TMEM74: variants seen among roughly 807,000 people sequenced by gnomAD.
TMEM74 encodes transmembrane protein 74.
Under a neutral mutation model 18.1 loss-of-function variants are expected in TMEM74, and 13 were observed. The observed-to-expected ratio is 0.72, with a 90% confidence interval of 0.47 to 1.14. The LOEUF (loss-of-function observed/expected upper bound fraction) is 1.14. TMEM74 is among the 50% of genes most tolerant of loss of function. The pLI is 0.00. For missense variants in TMEM74, 372 were observed against 375.9 expected (o/e 0.99, Z 0.09); for synonymous variants, 159 against 146.6 (o/e 1.08, Z -0.61).
chr8:108,622,239 A>G (rs1375553991), intron 2 of TMEM74, among the ~76,000 whole-genome samples: 2 of 152,102 alleles, frequency 1.3e-5, no homozygotes, highest in African/African-American at 4.8e-5. Context: ...ATTGACAATG[A>G]TGCATGACAA....
chr8:108,614,434 A>G (rs1351399512), intron 2 of TMEM74, among the ~76,000 whole-genome samples: 2 of 152,286 alleles, frequency 1.3e-5, no homozygotes, highest in Admixed American at 6.5e-5. Flanking sequence ...GTGAGAGGCT[A>G]AAAGGGAATA....
At chr8:108,764,783 A>G (rs954576647) in intron 1 of TMEM74, among the ~76,000 whole-genome samples, 1 of 152,166 alleles carries the variant, frequency 6.6e-6, no homozygotes, top group African/African-American at 2.4e-5. Flanking sequence ...ATCTCCACTT[A>G]CAATTTGCTG....
chr8:108,728,877 G>A (rs987300058), intron 1 of TMEM74, among the ~76,000 whole-genome samples: 2 of 152,110 alleles, frequency 1.3e-5, no homozygotes, highest in African/African-American at 4.8e-5. Flanking sequence ...CAAAACAGGA[G>A]GCAAAATATG....
chr8:108,782,922 C>T lies in TMEM74; in HGVS notation c.*1259G>A, dbSNP rs1420235949. On this transcript the variant is annotated 3_prime_UTR_variant, in exon 2 of 2. Transcript: ENST00000297459. ...ATGAGGCGGTCTGTCACTGTGAACA[C>T]CCAGTGTGTGTCTTGCAAAGTGAGC... Among the ~76,000 whole-genome samples, 1 of 152,166 alleles carries T rather than the reference C, an allele frequency of 6.6e-6. No homozygotes were observed. Among genetic ancestry groups the T allele is most frequent in the African/African-American group, 2.4e-5 (1 of 41,444 alleles).
At chr8:108,663,374 A>T (rs1341556643) in intron 1 of TMEM74, among the ~76,000 whole-genome samples, 1 of 152,172 alleles carries the variant, frequency 6.6e-6, no homozygotes, top group East Asian at 1.9e-4. Context: ...GCTCAACATC[A>T]CTGATTTAGA....
intron 1 of TMEM74, among the ~76,000 whole-genome samples, chr8:108,691,662 C>A (rs898449774): frequency 1.3e-5 from 2 of 151,920 alleles, no homozygotes; most frequent in African/African-American, 2.4e-5. Flanking sequence ...AACAGGCAAC[C>A]AAGGGATAGG....
At chr8:108,698,822 G>C (rs909221547) in intron 1 of TMEM74, among the ~76,000 whole-genome samples, 1 of 151,970 alleles carries the variant, frequency 6.6e-6, no homozygotes, top group Non-Finnish European at 1.5e-5. Context: ...TACTGACTCT[G>C]TTCTTAAATA....
chr8:108,768,328 T>C (rs1241808106), intron 1 of TMEM74, among the ~76,000 whole-genome samples: 1 of 152,166 alleles, frequency 6.6e-6, no homozygotes, highest in Non-Finnish European at 1.5e-5. Flanking sequence ...TCTTGGTTTC[T>C]CTCTTCGACA....
chr8:108,679,568 A>G (rs1813091599), intron 1 of TMEM74, among the ~76,000 whole-genome samples: 1 of 152,126 alleles, frequency 6.6e-6, no homozygotes, highest in Non-Finnish European at 1.5e-5. Flanking sequence ...GTCTGTTCAT[A>G]TCCTTCGCCC....
chr8:108,689,638 G>T (rs1298361122), intron 1 of TMEM74, among the ~76,000 whole-genome samples: 1 of 152,162 alleles, frequency 6.6e-6, no homozygotes, highest in Non-Finnish European at 1.5e-5. Context: ...CCTGAGAAAA[G>T]ATATCACTGG....
chr8:108,726,893 G>A (rs958646263), intron 1 of TMEM74, among the ~76,000 whole-genome samples: 1 of 152,134 alleles, frequency 6.6e-6, no homozygotes, highest in African/African-American at 2.4e-5. Flanking sequence ...AGGGGGGCTG[G>A]TGCAGGGGTA....
intron 1 of TMEM74, among the ~76,000 whole-genome samples, chr8:108,731,473 T>A (rs1210652420): frequency 6.6e-6 from 1 of 152,190 alleles, no homozygotes; most frequent in East Asian, 1.9e-4. Flanking sequence ...AAGCATTTAA[T>A]GCAGCTCTAG....
intron 1 of TMEM74, among the ~76,000 whole-genome samples, chr8:108,755,164 C>G (rs1309823084): frequency 1.3e-5 from 2 of 152,106 alleles, no homozygotes; most frequent in African/African-American, 4.8e-5. Flanking sequence ...TCCAGGAACA[C>G]TGCAGTCAAG....
chr8:108,638,281 A>G (rs1812627049), intron 2 of TMEM74, among the ~76,000 whole-genome samples: 1 of 151,630 alleles, frequency 6.6e-6, no homozygotes, highest in South Asian at 2.1e-4. Context: ...AAATTTGTAC[A>G]TACTTTTCCA....
At chr8:108,715,860 T>C (rs1813518371) in intron 1 of TMEM74, among the ~76,000 whole-genome samples, 2 of 152,052 alleles carry the variant, frequency 1.3e-5, no homozygotes, top group Non-Finnish European at 2.9e-5. Context: ...CAAATATTTA[T>C]GAGACAAGTA....
intron 1 of TMEM74, among the ~76,000 whole-genome samples, chr8:108,760,426 A>G (rs893259675): frequency 6.6e-6 from 1 of 152,006 alleles, no homozygotes; most frequent in Non-Finnish European, 1.5e-5. Flanking sequence ...ATCTGAAGAG[A>G]TGAGTTGCCA....
chr8:108,765,487 A>C (rs1814095615), intron 1 of TMEM74, among the ~76,000 whole-genome samples: 1 of 146,956 alleles, frequency 6.8e-6, no homozygotes, highest in Non-Finnish European at 1.5e-5. Flanking sequence ...GCTCACTGCA[A>C]CCTCCATCTC....
At chr8:108,668,344 T>C (rs1385582579) in intron 1 of TMEM74, among the ~76,000 whole-genome samples, 1 of 152,224 alleles carries the variant, frequency 6.6e-6, no homozygotes, top group Non-Finnish European at 1.5e-5. Context: ...CTGCAACATT[T>C]ACCTTTTCCA....
intron 1 of TMEM74, among the ~76,000 whole-genome samples, chr8:108,710,227 C>A (rs867334469): frequency 6.6e-6 from 1 of 152,204 alleles, no homozygotes; most frequent in Non-Finnish European, 1.5e-5. Flanking sequence ...GTTTTTTCTG[C>A]AGTGTTTCAA....
Sources: allele counts gnomAD v4.1 joint callset (sites outside exome capture counted in the v4.1 genomes callset), GRCh38; gene constraint gnomAD v4.1.1; transcripts MANE v1.5; gene names NCBI Gene and HGNC (gene_info 2026-07-23, HGNC 2026-07-21).